ZC3H18: variants seen among roughly 807,000 people sequenced by gnomAD.
The protein encoded by ZC3H18 is zinc finger CCCH domain-containing protein 18.
In ZC3H18, 8 loss-of-function variants were observed where a neutral mutation model predicts 106.1. That is an observed-to-expected ratio of 0.08 (90% CI 0.04 to 0.14). The LOEUF is 0.14. Ranked by LOEUF, ZC3H18 falls within the 10% of genes least tolerant of loss-of-function variation. The probability of loss-of-function intolerance (pLI) is 1.00; values close to 1 mark genes in which losing one functional copy is unlikely to be tolerated. For synonymous variants in ZC3H18, 635 were observed against 522.1 expected (o/e 1.22, Z -2.95); for missense variants, 1,318 against 1,278.4 (o/e 1.03, Z -0.47).
intron 8 of ZC3H18, among the ~76,000 whole-genome samples, chr16:88,618,795 C>G (rs74492753): frequency 6.6e-6 from 1 of 152,168 alleles, no homozygotes; most frequent in Admixed American, 6.5e-5. Context: ...TTCTCCCCTG[C>G]GGTTGGAAGT....
intron 6 of ZC3H18, among the ~76,000 whole-genome samples, chr16:88,603,427 G>A (rs1204611629): frequency 6.6e-6 from 1 of 151,352 alleles, no homozygotes; most frequent in African/African-American, 2.4e-5. Flanking sequence ...TTGAGACCAG[G>A]CTGGGCAACA....
intron 3 of ZC3H18, among the ~76,000 whole-genome samples, chr16:88,591,804 A>G (rs1915767978): frequency 6.6e-6 from 1 of 151,914 alleles, no homozygotes; most frequent in African/African-American, 2.4e-5. Flanking sequence ...TCTTTTGTGG[A>G]ACTGCTGGCA....
intron 3 of ZC3H18, among the ~76,000 whole-genome samples, chr16:88,587,051 GC>G (rs2142588075): frequency 6.6e-6 from 1 of 152,312 alleles, no homozygotes; most frequent in South Asian, 2.1e-4. Context: ...ACCAGAATTA[GC>G]ATTTTCCCCA....
In ZC3H18 at chr16:88,577,462, G is replaced by T; in HGVS notation, c.339G>T (p.Arg113Ser). Residue 113 changes from arginine to serine, a missense_variant, in exon 2 of 18, where the codon AGG (arginine) becomes AGT (serine). Arg to Ser is a moderately radical substitution (Grantham distance 110, BLOSUM62 -1). Coordinates refer to ENST00000301011, the MANE Select transcript of ZC3H18 (RefSeq NM_144604.4). ...EGEEDRTSDLRDEASSVTREL... is the reference protein window; with the variant it reads ...EGEEDRTSDLSDEASSVTREL... ...AGGAAGACCGGACAAGCGACCTTAG[G>T]GATGAGGCCTCCTCAGTCACCAGGG... is the stretch of plus-strand genomic sequence containing the variant. The T allele has an allele frequency of 6.2e-7, 1 of 1,612,198 alleles. No individual in the cohort carries two copies.
intron 1 of ZC3H18, among the ~76,000 whole-genome samples, chr16:88,570,873 C>G (rs906248589): frequency 1.3e-5 from 2 of 152,250 alleles, no homozygotes; most frequent in Admixed American, 6.5e-5. Flanking sequence ...ATTTCTCTTC[C>G]GGGCCACTCG....
At chr16:88,624,858 C>T (rs561584470) in intron 12 of ZC3H18, 113 bp downstream of exon 12, 49 of 1,409,154 alleles carry the variant, frequency 3.5e-5, no homozygotes, top group South Asian at 4.4e-5. Context: ...TGGTGGGAAG[C>T]GCCCCCTAGC....
Position 88,577,629 on chromosome 16 carries a change from C to T in ZC3H18, c.506C>T (p.Ala169Val). The T allele has an allele frequency of 6.2e-7, 1 of 1,613,866 alleles. No homozygotes were observed. Among genetic ancestry groups the T allele is most frequent in the Non-Finnish European group, 8.5e-7 (1 of 1,180,012 alleles). The change falls in exon 2 of 18, where the codon GCT becomes GTT. Residue 169 changes from alanine to valine, a missense_variant. Transcript: ENST00000301011. ...GEGTPREEGKAGVQSVGEKES... is the reference protein window; with the variant it reads ...GEGTPREEGKVGVQSVGEKES... ...GGCACTCCCAGGGAGGAGGGGAAGG[C>T]TGGTGTTCAGAGTGTGGGAGAAAAG...
intron 8 of ZC3H18, among the ~76,000 whole-genome samples, chr16:88,615,073 C>A (rs1274510119): frequency 6.7e-6 from 1 of 149,696 alleles, no homozygotes; most frequent in East Asian, 2.0e-4. Flanking sequence ...ACGGGCTGCC[C>A]CCACCTGCTC....
intron 3 of ZC3H18, among the ~76,000 whole-genome samples, chr16:88,590,971 CTTTT>C (rs71158738): frequency 3.1e-5 from 3 of 97,786 alleles, no homozygotes. Context: ...TGGTGGAATA[CTTTT>C]TTTTTTTTTT....
intron 17 of ZC3H18, 121 bp downstream of exon 17, chr16:88,630,702 C>T: frequency 1.3e-6 from 1 of 762,916 alleles, no homozygotes. Context: ...ACTACAGCTC[C>T]TGCTGGTCTG....
intron 5 of ZC3H18, 48 bp downstream of exon 5, chr16:88,598,760 G>T (rs1427664126): frequency 6.4e-7 from 1 of 1,551,740 alleles, no homozygotes; most frequent in East Asian, 2.4e-5. Context: ...GCTATTACAG[G>T]AGTGGTTCTT....
At position 88,624,607 on chromosome 16, in the gene ZC3H18, A is replaced by G. The variant is rs1906181029; in HGVS notation, c.1904A>G (p.Lys635Arg). ...PAPPPGKAGE[K>R]SVKKPAPPPA... ...CGAGCCTCCCTGTCTCACAGAGAGA[A>G]GTCAGTGAAGAAGCCGGCCCCGCCT... The change falls in exon 12 of 18, where the codon AAG (lysine) becomes AGG (arginine). Residue 635 changes from lysine to arginine, a missense_variant. This residue lies in a region of ZC3H18 where 848 missense variants were observed against 821.7 expected (regional missense o/e 1.03). Coordinates refer to ENST00000301011, the MANE Select transcript of ZC3H18 (RefSeq NM_144604.4). 2 of 1,611,516 alleles carry G rather than the reference A, an allele frequency of 1.2e-6. No individual in the cohort carries two copies. Among genetic ancestry groups the G allele is most frequent in the Non-Finnish European group, 1.7e-6 (2 of 1,179,018 alleles).
At chr16:88,601,073 T>C (rs1952519724) in intron 6 of ZC3H18, among the ~76,000 whole-genome samples, 1 of 152,232 alleles carries the variant, frequency 6.6e-6, no homozygotes, top group African/African-American at 2.4e-5. Flanking sequence ...CTCAAGGCCT[T>C]CTTGCCGCGA....
At position 88,598,628 on chromosome 16, in the gene ZC3H18, G is replaced by T. The variant is rs114252967; in HGVS notation, c.846G>T (p.Pro282=). ...TTCTCGTTTTTCAATAGGGTGGGCC[G>T]GTAGTTGATGAAATTTTGCCTCCAC... ...PLMPANPWGG[P]VVDEILPPPP... The change falls in exon 5 of 18, where the codon CCG becomes CCT. Residue 282 remains proline (P), a synonymous_variant. Transcript: ENST00000301011. The T allele has an allele frequency of 6.2e-7, 1 of 1,609,810 alleles. No individual in the cohort carries two copies. Among genetic ancestry groups the T allele is most frequent in the Non-Finnish European group, 8.5e-7 (1 of 1,177,786 alleles).
At chr16:88,603,011 C>G (rs1904827411) in intron 6 of ZC3H18, among the ~76,000 whole-genome samples, 1 of 151,566 alleles carries the variant, frequency 6.6e-6, no homozygotes, top group African/African-American at 2.4e-5. Context: ...GTCACCCAGG[C>G]TGGAGTGTAG....
chr16:88,583,471 C>CTTTGCAGATCAGGTGACT (rs961018753), intron 2 of ZC3H18, among the ~76,000 whole-genome samples: 10 of 152,252 alleles, frequency 6.6e-5, no homozygotes, highest in African/African-American at 2.4e-4. Flanking sequence ...GGAAGGCGAG[C>CTTTGCAGATCAGGTGACT]TTTGCAGATC....
At chr16:88,574,516 G>A (rs1914616411) in intron 1 of ZC3H18, among the ~76,000 whole-genome samples, 1 of 151,010 alleles carries the variant, frequency 6.6e-6, no homozygotes. Context: ...GCCAGATTTG[G>A]GTTTTTTTGG....
At chr16:88,589,555 G>T (rs1915621721) in intron 3 of ZC3H18, among the ~76,000 whole-genome samples, 1 of 152,236 alleles carries the variant, frequency 6.6e-6, no homozygotes, top group Non-Finnish European at 1.5e-5. Context: ...AGGGAGCACA[G>T]AAGGCCACAG....
chr16:88,623,426 C>T, intron 10 of ZC3H18, 82 bp downstream of exon 10: 1 of 1,559,934 alleles, frequency 6.4e-7, no homozygotes. Flanking sequence ...GTTGTGGCGC[C>T]AGTAGCCCCT....
Sources: gnomAD v4.1 joint callset for allele counts (sites outside exome capture counted in the v4.1 genomes callset) on GRCh38, gnomAD v4.1.1 for gene constraint, gnomAD v4.1.1 regional missense constraint, MANE v1.5 for transcripts, NCBI Gene and HGNC (gene_info 2026-07-23, HGNC 2026-07-21) for gene names.